The following CORIN variants were observed in gnomAD, a reference collection of about 807,000 sequenced individuals.
CORIN encodes the protein corin, serine peptidase, also known as atrial natriuretic peptide-converting enzyme.
In CORIN, 117 loss-of-function variants were observed where a neutral mutation model predicts 125.3. The observed-to-expected ratio is 0.93, with a 90% CI of 0.80 to 1.09. The LOEUF (loss-of-function observed/expected upper bound fraction) is 1.09, where lower values mean the gene tolerates loss of function less well. Ranked by LOEUF, CORIN falls within the 50% of genes least tolerant of loss-of-function variation. The pLI is 0.00. For missense variants in CORIN, 1,253 were observed against 1,306.7 expected (o/e 0.96, Z 0.63); for synonymous variants, 450 against 466.4 (o/e 0.96, Z 0.45).
At chr4:47,630,944 A>G (rs1211650957) in intron 16 of CORIN, among the ~76,000 whole-genome samples, 1 of 152,170 alleles carries the variant, frequency 6.6e-6, no homozygotes, top group Admixed American at 6.5e-5. Flanking sequence ...GCATCACTCT[A>G]GAAAAGGGAT....
intron 19 of CORIN, among the ~76,000 whole-genome samples, chr4:47,611,152 G>A (rs1341764077): frequency 6.6e-6 from 1 of 152,100 alleles, no homozygotes; most frequent in Non-Finnish European, 1.5e-5. Context: ...GCAGTTTAAT[G>A]GAAATAGCAT....
At chr4:47,805,256 A>G (rs2109950009) in intron 2 of CORIN, among the ~76,000 whole-genome samples, 1 of 152,102 alleles carries the variant, frequency 6.6e-6, no homozygotes, top group East Asian at 1.9e-4. Context: ...TGGAAAGCCC[A>G]TTTTTCATGA....
chr4:47,834,800 A>C (rs1420293248), intron 1 of CORIN, among the ~76,000 whole-genome samples: 1 of 152,224 alleles, frequency 6.6e-6, no homozygotes, highest in South Asian at 2.1e-4. Context: ...TTTTTAAAAA[A>C]AGGTTAGGGA....
At chr4:47,619,769 A>G (rs1449924669) in intron 19 of CORIN, among the ~76,000 whole-genome samples, 1 of 152,236 alleles carries the variant, frequency 6.6e-6, no homozygotes, top group African/African-American at 2.4e-5. Context: ...ACTAGCACAT[A>G]AAGAGTGCTG....
At chr4:47,672,200 C>T (rs1467455770) in intron 10 of CORIN, among the ~76,000 whole-genome samples, 1 of 152,190 alleles carries the variant, frequency 6.6e-6, no homozygotes, top group Admixed American at 6.5e-5. Flanking sequence ...AAGCCCAGCG[C>T]CCATCCCGAT....
At chr4:47,643,328 CT>C in intron 14 of CORIN, 72 bp from the exon 15 acceptor site, 1 of 1,344,098 alleles carries the variant, frequency 7.4e-7, no homozygotes, top group South Asian at 1.4e-5. Context: ...ACATGCATAT[CT>C]TCATGTGCCA....
Position 47,665,049 on chromosome 4 carries a change from C to G in CORIN, c.1572G>C (p.Glu524Asp), listed in dbSNP as rs1165278655. Residue 524 changes from glutamate to aspartate, a missense_variant, in exon 11 of 22, where the codon GAG (glutamate) becomes GAC (aspartate). Transcript: ENST00000273857. ...CATATTACCTGCAAGGAGGGATATG[C>G]TCGCCTGTATTCACATCACATTTTG... ...LVPKCDVNTG[E>D]HIPPCRALCE... 6.2e-7 allele frequency: 1 copy of G among 1,609,772 alleles called. No individual in the cohort carries two copies. The highest frequency in any genetic ancestry group is 2.2e-5 in the East Asian group (1 of 44,794).
At position 47,710,764 on chromosome 4, in the gene CORIN, GGGCTTTGGGTAGCCA is replaced by G. The variant is rs530658287; in HGVS notation, c.800-17696_800-17682del. On this transcript the variant is annotated intron_variant, in intron 5 of 21. Coordinates refer to ENST00000273857, the MANE Select transcript of CORIN (RefSeq NM_006587.4). ...TTGTAACTAGGTGTGGCACAAGCATGGGCTTTGGGTAGCCAGGCTAATTATCCCACATGCATGCTG... is the reference window on the plus strand; with the variant it reads ...TTGTAACTAGGTGTGGCACAAGCATGGGCTAATTATCCCACATGCATGCTG... Among the ~76,000 whole-genome samples the G allele has an allele frequency of 2.2e-4, 33 of 152,346 alleles. 1 individual carries two copies. In the South Asian group the frequency reaches 6.8e-3, roughly 32 times the overall value.
chr4:47,823,280 A>T (rs1225612994), intron 1 of CORIN, among the ~76,000 whole-genome samples: 2 of 152,194 alleles, frequency 1.3e-5, no homozygotes, highest in African/African-American at 4.8e-5. Flanking sequence ...GACATGCCCC[A>T]TCATTCTTTG....
At chr4:47,811,369 GT>G (rs1220827796) in intron 1 of CORIN, among the ~76,000 whole-genome samples, 6 of 152,172 alleles carry the variant, frequency 3.9e-5, no homozygotes, top group African/African-American at 1.4e-4. Flanking sequence ...ATTTTATCAA[GT>G]TTGCAAAGGT....
intron 5 of CORIN, among the ~76,000 whole-genome samples, chr4:47,734,156 A>G (rs1206093302): frequency 2.0e-5 from 3 of 152,214 alleles, no homozygotes; most frequent in Admixed American, 6.5e-5. Context: ...CTTAATTTAT[A>G]AAATAAAGAT....
At chr4:47,619,712 G>C (rs1722222787) in intron 19 of CORIN, among the ~76,000 whole-genome samples, 1 of 152,114 alleles carries the variant, frequency 6.6e-6, no homozygotes, top group Non-Finnish European at 1.5e-5. Flanking sequence ...GAGGAAACTT[G>C]GATACCACAT....
intron 2 of CORIN, among the ~76,000 whole-genome samples, chr4:47,805,430 A>G (rs966326864): frequency 6.6e-6 from 1 of 152,074 alleles, no homozygotes; most frequent in African/African-American, 2.4e-5. Context: ...CCAAAATCCA[A>G]TCAGTCTTGA....
intron 5 of CORIN, chr4:47,706,951 A>G (rs1014625184): frequency 5.6e-6 from 9 of 1,598,034 alleles, no homozygotes; most frequent in South Asian, 1.1e-5. Context: ...CAGCTTGGAG[A>G]AGGCGCAATA....
chr4:47,601,618 A>G (rs1039171686), intron 20 of CORIN, among the ~76,000 whole-genome samples: 5 of 151,992 alleles, frequency 3.3e-5, no homozygotes, highest in Non-Finnish European at 7.4e-5. Flanking sequence ...ATGTTGCACT[A>G]TTGCTCTGAG....
intron 12 of CORIN, among the ~76,000 whole-genome samples, chr4:47,660,691 GA>G (rs1724204660): frequency 6.6e-6 from 1 of 152,166 alleles, no homozygotes; most frequent in Non-Finnish European, 1.5e-5. Flanking sequence ...TGCTAGCAAG[GA>G]TGTGGAGAAA....
At chr4:47,722,090 T>C (rs1216916284) in intron 5 of CORIN, among the ~76,000 whole-genome samples, 1 of 152,222 alleles carries the variant, frequency 6.6e-6, no homozygotes, top group Non-Finnish European at 1.5e-5. Context: ...ATGCAATCAC[T>C]TGCATATGAG....
At chr4:47,798,304 CTG>C (rs1157876219) in intron 2 of CORIN, among the ~76,000 whole-genome samples, 1 of 152,170 alleles carries the variant, frequency 6.6e-6, no homozygotes, top group Non-Finnish European at 1.5e-5. Flanking sequence ...CGTAGTACAT[CTG>C]TGTTTGTTAG....
At chr4:47,642,800 G>A in intron 15 of CORIN, 1 of 1,420,136 alleles carries the variant, frequency 7.0e-7, no homozygotes, top group South Asian at 1.5e-5. Context: ...TTCTATTCTA[G>A]CAGGTAGAGG....
Sources: gnomAD v4.1 joint callset for allele counts (sites outside exome capture counted in the v4.1 genomes callset) on GRCh38, gnomAD v4.1.1 for gene constraint, MANE v1.5 for transcripts, NCBI Gene and HGNC (gene_info 2026-07-23, HGNC 2026-07-21) for gene names.